PCDHGA5: variants seen among roughly 807,000 people sequenced by gnomAD.
The protein encoded by PCDHGA5 is protocadherin gamma-A5.
Under a neutral mutation model 56.7 loss-of-function variants are expected in PCDHGA5, and 36 were observed. The observed-to-expected ratio is 0.64, with a 90% CI of 0.49 to 0.84. The LOEUF (loss-of-function observed/expected upper bound fraction) is 0.84. Among genes scored for constraint, PCDHGA5 ranks in the 40% least tolerant of loss-of-function variants. The pLI is 0.00. For synonymous variants in PCDHGA5, 563 were observed against 520.2 expected (o/e 1.08, Z -1.12); for missense variants, 1,305 against 1,201.5 (o/e 1.09, Z -1.27).
At chr5:141,417,997 G>T in intron 1 of PCDHGA5, 1 of 1,613,872 alleles carries the variant, frequency 6.2e-7, no homozygotes, top group Non-Finnish European at 8.5e-7. Context: ...AGGGCTCGGT[G>T]GTGGGGAACC....
At chr5:141,393,528 G>A in intron 1 of PCDHGA5, 7 of 1,613,988 alleles carry the variant, frequency 4.3e-6, no homozygotes, top group East Asian at 4.5e-5. Context: ...AAATGACAAT[G>A]CCCCGGTTTT....
chr5:141,412,415 T>C (rs897201034), intron 1 of PCDHGA5: 5 of 152,248 alleles, frequency 3.3e-5, no homozygotes, highest in Non-Finnish European at 4.4e-5. Context: ...AGATAAAGTA[T>C]GTTTTACACA....
chr5:141,382,942 C>G, intron 1 of PCDHGA5: 1 of 1,595,524 alleles, frequency 6.3e-7, no homozygotes, highest in African/African-American at 1.3e-5. Flanking sequence ...AGGATTCTTC[C>G]TGCTCTCCAT....
chr5:141,410,980 A>G (rs2095454359), intron 1 of PCDHGA5: 1 of 175,670 alleles, frequency 5.7e-6, no homozygotes, highest in South Asian at 1.4e-4. Context: ...CAGCCTCCCA[A>G]GTAGCTGGGA....
chr5:141,375,994 G>A lies in PCDHGA5; in HGVS notation c.2421+9243G>A, dbSNP rs553803944. ...CGCGCGCCCTGCTGGACAGAGACGC[G>A]CTCAAGCAGAGCCTAGTGGTGGCCG... On this transcript the variant is annotated intron_variant, in intron 1 of 3. Coordinates refer to ENST00000518069, the MANE Select transcript of PCDHGA5 (RefSeq NM_018918.3). The A allele has an allele frequency of 2.5e-6, 4 of 1,613,410 alleles. No individual in the cohort carries two copies. The South Asian group carries it at 3.3e-5, about 13-fold the overall frequency.
At position 141,370,514 on chromosome 5, in the gene PCDHGA5, G is replaced by T. The variant is rs1295709231; in HGVS notation, c.2421+3763G>T. 3 of 1,613,776 alleles carry T rather than the reference G, an allele frequency of 1.9e-6. No individual in the cohort carries two copies. The African/African-American group carries it at 4.0e-5, about 22-fold the overall frequency. On this transcript the variant is annotated intron_variant, in intron 1 of 3. Coordinates refer to ENST00000518069, the MANE Select transcript of PCDHGA5 (RefSeq NM_018918.3). ...CGATCCGCTACGCTATTCCCGAGGAGCTGGACAGGGGCTCGCTGGTAGGGA... is the reference window on the plus strand; with the variant it reads ...CGATCCGCTACGCTATTCCCGAGGATCTGGACAGGGGCTCGCTGGTAGGGA...
intron 1 of PCDHGA5, chr5:141,384,713 C>CA: frequency 6.2e-7 from 1 of 1,614,104 alleles, no homozygotes; most frequent in Non-Finnish European, 8.5e-7. Context: ...GCCTGGCTGT[C>CA]ATACCTCCTG....
chr5:141,388,040 G>T (rs1561617548), intron 1 of PCDHGA5: 1 of 1,412,752 alleles, frequency 7.1e-7, no homozygotes, highest in East Asian at 2.5e-5. Context: ...ACCTCGCCAC[G>T]GACCTGGGGT....
chr5:141,371,913 G>C, intron 1 of PCDHGA5: 1 of 1,613,394 alleles, frequency 6.2e-7, no homozygotes, highest in African/African-American at 1.3e-5. Context: ...CTACGTGTCC[G>C]TGAGCGCGCG....
chr5:141,478,142 G>T (rs774271595), intron 1 of PCDHGA5: 8 of 1,613,988 alleles, frequency 5.0e-6, no homozygotes, highest in Non-Finnish European at 6.8e-6. Flanking sequence ...AGCCCGAGCC[G>T]AGTTCCCCTC....
rs1475572413 is a variant in PCDHGA5, at chr5:141,432,843, T to G, written c.2422-61964T>G. The G allele has an allele frequency of 6.2e-7, 1 of 1,614,066 alleles. No homozygotes were observed. The highest frequency in any genetic ancestry group is 8.5e-7 in the Non-Finnish European group (1 of 1,180,020). ...TCAGACCTCACTCTGTACCTGGTGGTAGCGGTGGCCGCGGTCTCCTGCGTC... is the reference window on the plus strand; with the variant it reads ...TCAGACCTCACTCTGTACCTGGTGGGAGCGGTGGCCGCGGTCTCCTGCGTC... On this transcript the variant is annotated intron_variant, in intron 1 of 3. Coordinates refer to ENST00000518069, the MANE Select transcript of PCDHGA5 (RefSeq NM_018918.3). This position sits in a 1 kb window ranked among gnomAD's most constrained non-coding sequence, Gnocchi z 6.0.
intron 1 of PCDHGA5, chr5:141,396,168 T>C (rs2093349513): frequency 2.0e-5 from 3 of 152,184 alleles, no homozygotes; most frequent in Admixed American, 2.0e-4. Flanking sequence ...AGTTATTCAG[T>C]CTTGGCTGGA....
At chr5:141,376,380 G>C in intron 1 of PCDHGA5, 4 of 1,614,214 alleles carry the variant, frequency 2.5e-6, no homozygotes, top group Non-Finnish European at 3.4e-6. Flanking sequence ...TCGCGTAAGA[G>C]TCATCTGATT....
intron 1 of PCDHGA5, among the ~76,000 whole-genome samples, chr5:141,380,345 TG>T (rs1448564641): frequency 6.6e-6 from 1 of 152,202 alleles, no homozygotes; most frequent in African/African-American, 2.4e-5. Context: ...AGAACTGTTT[TG>T]TTGTTTGTTT....
rs1231863269 is a variant in PCDHGA5 at position 141,485,594 on chromosome 5, G to A, written c.2422-9213G>A. 1.9e-6 allele frequency: 3 copies of A among 1,612,578 alleles called. No individual in the cohort carries two copies. The highest frequency in any genetic ancestry group is 2.5e-6 in the Non-Finnish European group (3 of 1,178,798). On this transcript the variant is annotated intron_variant, in intron 1 of 3. Transcript: ENST00000518069. The surrounding 1 kb of genome is among the most constrained non-coding windows in gnomAD (Gnocchi z 5.7). ...TTTTCCGCGGCAGCAGCTGGACTTGGAAATTGGGGAGGCAGCTCCTCCAGG... is the reference window on the plus strand; with the variant it reads ...TTTTCCGCGGCAGCAGCTGGACTTGAAAATTGGGGAGGCAGCTCCTCCAGG...
chr5:141,490,951 T>G lies in PCDHGA5; in HGVS notation c.2422-3856T>G, dbSNP rs778168052. On this transcript the variant is annotated intron_variant, in intron 1 of 3. Transcript: ENST00000518069. The surrounding 1 kb of genome is among the most constrained non-coding windows in gnomAD (Gnocchi z 5.4). ...AGCTGTGCTGCACCCACGGCCAGACTGGGAACACTCAGCCCCCCAGCGTCT... is the reference window on the plus strand; with the variant it reads ...AGCTGTGCTGCACCCACGGCCAGACGGGGAACACTCAGCCCCCCAGCGTCT... The G allele has an allele frequency of 6.2e-7, 1 of 1,613,638 alleles. No individual in the cohort carries two copies. The highest frequency in any genetic ancestry group is 1.3e-5 in the African/African-American group (1 of 74,900).
chr5:141,398,360 G>A, intron 1 of PCDHGA5: 1 of 1,413,656 alleles, frequency 7.1e-7, no homozygotes, highest in Non-Finnish European at 9.8e-7. Flanking sequence ...TTCACCGTGA[G>A]CGCAGAGAGC....
intron 1 of PCDHGA5, chr5:141,423,640 T>C: frequency 6.3e-7 from 1 of 1,597,848 alleles, no homozygotes; most frequent in Non-Finnish European, 8.5e-7. Flanking sequence ...TTTAGGCAAA[T>C]GTGACCCGAC....
chr5:141,387,765 T>C, intron 1 of PCDHGA5: 1 of 1,431,622 alleles, frequency 7.0e-7, no homozygotes, highest in East Asian at 2.5e-5. Flanking sequence ...AAAAGAAGAA[T>C]TTTTTCTTGA....
Sources: allele counts gnomAD v4.1 joint callset (sites outside exome capture counted in the v4.1 genomes callset), GRCh38; gene constraint gnomAD v4.1.1; non-coding constraint Gnocchi (gnomAD v3.1); transcripts MANE v1.5; gene names NCBI Gene and HGNC (gene_info 2026-07-23, HGNC 2026-07-21).